PCSK5: variants seen among roughly 807,000 people sequenced by gnomAD.
The protein encoded by PCSK5 is proprotein convertase subtilisin/kexin type 5.
Under a neutral mutation model 233.2 loss-of-function variants are expected in PCSK5, and 129 were observed. The ratio of observed to expected loss-of-function variants is 0.55; its 90% CI spans 0.48 to 0.64. PCSK5 has a LOEUF of 0.64. Ranked by LOEUF, PCSK5 falls within the 30% of genes least tolerant of loss-of-function variation. The probability of loss-of-function intolerance (pLI) is 0.00; values close to 1 mark genes in which losing one functional copy is unlikely to be tolerated. For synonymous variants in PCSK5, 825 were observed against 879.2 expected, an observed-to-expected ratio of 0.94 and a Z score of 1.09; for missense variants, 2,076 against 2,430.1, an observed-to-expected ratio of 0.85 and a Z score of 3.06.
intron 2 of PCSK5, among the ~76,000 whole-genome samples, chr9:75,955,410 T>C (rs1326625054): frequency 6.6e-6 from 1 of 152,210 alleles, no homozygotes; most frequent in Admixed American, 6.5e-5. Flanking sequence ...ACACGTGCTT[T>C]GTAGTCATTT....
chr9:75,985,425 G>A (rs2131391603), intron 2 of PCSK5, among the ~76,000 whole-genome samples: 1 of 152,192 alleles, frequency 6.6e-6, no homozygotes. Context: ...CCAATTTTGT[G>A]CCAGAGATAG....
At chr9:76,209,220 C>T (rs1033675231) in intron 20 of PCSK5, among the ~76,000 whole-genome samples, 1 of 152,200 alleles carries the variant, frequency 6.6e-6, no homozygotes, top group Non-Finnish European at 1.5e-5. Context: ...ACAACTCCAG[C>T]GTAATGTACA....
chr9:75,967,877 A>G (rs1366634301), intron 2 of PCSK5, among the ~76,000 whole-genome samples: 2 of 151,884 alleles, frequency 1.3e-5, no homozygotes, highest in South Asian at 2.1e-4. Flanking sequence ...ATTCTCCTGC[A>G]TCAGCCTTCT....
chr9:76,166,023 G>A (rs2131834294), intron 12 of PCSK5, among the ~76,000 whole-genome samples: 1 of 152,242 alleles, frequency 6.6e-6, no homozygotes, highest in South Asian at 2.1e-4. Context: ...ATGTTACAAT[G>A]GTAGAAAATA....
At chr9:76,174,759 G>C (rs548860735) in intron 13 of PCSK5, among the ~76,000 whole-genome samples, 1 of 152,090 alleles carries the variant, frequency 6.6e-6, no homozygotes, top group East Asian at 1.9e-4. Context: ...TTAAATCAAG[G>C]CCTCTCTGGT....
intron 3 of PCSK5, among the ~76,000 whole-genome samples, chr9:76,013,321 T>C (rs1827811350): frequency 6.6e-6 from 1 of 152,236 alleles, no homozygotes; most frequent in South Asian, 2.1e-4. Context: ...CATTGTTTTG[T>C]GCATTTATTT....
intron 22 of PCSK5, among the ~76,000 whole-genome samples, 157 bp from the exon 23 acceptor site, chr9:76,238,802 A>G (rs975169422): frequency 6.6e-6 from 1 of 152,240 alleles, no homozygotes; most frequent in African/African-American, 2.4e-5. Context: ...GGATGTAGCT[A>G]TTGCACTTTT....
At chr9:76,105,860 A>G (rs1831956838) in intron 8 of PCSK5, among the ~76,000 whole-genome samples, 1 of 152,238 alleles carries the variant, frequency 6.6e-6, no homozygotes, top group Non-Finnish European at 1.5e-5. Flanking sequence ...AAGAAAGGAT[A>G]GTAAGAACTT....
In PCSK5 at chr9:76,026,966, T is replaced by C. The variant is rs1188589075; in HGVS notation, c.561T>C (p.Ala187=). The C allele has an allele frequency of 6.2e-7, 1 of 1,609,516 alleles. No homozygotes were observed. The highest frequency in any genetic ancestry group is 8.5e-7 in the Non-Finnish European group (1 of 1,177,308). ...THPDLMQNYD[A]LASCDVNGND... ...TCTCTCCTCTGTGGCCATAGGATGC[T>C]CTGGCAAGTTGCGACGTGAATGGGA... The change falls in exon 5 of 38, where the codon GCT becomes GCC. Residue 187 remains alanine, a synonymous_variant. Transcript: ENST00000674117.
intron 5 of PCSK5, among the ~76,000 whole-genome samples, chr9:76,058,418 A>G (rs1436123761): frequency 6.6e-6 from 1 of 152,220 alleles, no homozygotes; most frequent in Non-Finnish European, 1.5e-5. Context: ...GATAGAGGAC[A>G]TATTTGACTT....
intron 2 of PCSK5, among the ~76,000 whole-genome samples, chr9:75,978,905 T>C (rs1826147662): frequency 7.2e-6 from 1 of 139,282 alleles, no homozygotes; most frequent in Non-Finnish European, 1.6e-5. Flanking sequence ...GGAATTTTGC[T>C]CTTGTTGCCC....
intron 36 of PCSK5, among the ~76,000 whole-genome samples, chr9:76,351,512 GAAAGAAA>G (rs1564196851): frequency 4.6e-5 from 5 of 109,038 alleles, no homozygotes; most frequent in African/African-American, 1.6e-4. Flanking sequence ...AAGAAAGAAA[GAAAGAAA>G]GAAAGAAAGA....
At chr9:75,996,337 A>G (rs1257840303) in intron 3 of PCSK5, among the ~76,000 whole-genome samples, 1 of 152,216 alleles carries the variant, frequency 6.6e-6, no homozygotes, top group Admixed American at 6.5e-5. Flanking sequence ...TAGTAAATGC[A>G]ATGACCATGT....
At chr9:76,078,844 T>C (rs1054061214) in intron 7 of PCSK5, among the ~76,000 whole-genome samples, 1 of 152,220 alleles carries the variant, frequency 6.6e-6, no homozygotes, top group Admixed American at 6.5e-5. Flanking sequence ...GAATAGTTTT[T>C]ACTAGTTCTG....
chr9:75,975,148 C>A (rs1213220533), intron 2 of PCSK5, among the ~76,000 whole-genome samples: 1 of 151,966 alleles, frequency 6.6e-6, no homozygotes, highest in African/African-American at 2.4e-5. Context: ...CTCCTGGTAC[C>A]CAGCTCTGAA....
chr9:76,307,136 T>C (rs1008256924), intron 28 of PCSK5, among the ~76,000 whole-genome samples: 2 of 150,010 alleles, frequency 1.3e-5, no homozygotes, highest in Non-Finnish European at 3.0e-5. Context: ...TTATTTTCTC[T>C]CATTTTAGAG....
At chr9:76,029,609 A>G (rs930044392) in intron 5 of PCSK5, among the ~76,000 whole-genome samples, 2 of 152,192 alleles carry the variant, frequency 1.3e-5, no homozygotes, top group South Asian at 4.1e-4. Flanking sequence ...ACTGCGTTCC[A>G]TAAGGAATCT....
intron 1 of PCSK5, among the ~76,000 whole-genome samples, chr9:75,898,471 G>T (rs972238942): frequency 6.6e-6 from 1 of 152,064 alleles, no homozygotes; most frequent in Non-Finnish European, 1.5e-5. Context: ...GACTGGGGTC[G>T]TATCCCCACA....
chr9:76,136,182 G>A (rs937792253), intron 10 of PCSK5, among the ~76,000 whole-genome samples: 9 of 151,618 alleles, frequency 5.9e-5, no homozygotes, highest in Non-Finnish European at 1.5e-5. Flanking sequence ...TGTTGATGGC[G>A]AGTCCCGTAT....
Sources: gnomAD v4.1 joint callset for allele counts (sites outside exome capture counted in the v4.1 genomes callset) on GRCh38, gnomAD v4.1.1 for gene constraint, MANE v1.5 for transcripts, NCBI Gene and HGNC (gene_info 2026-07-23, HGNC 2026-07-21) for gene names.